IGF2R: variants seen among roughly 807,000 people sequenced by gnomAD.
IGF2R encodes cation-independent mannose-6-phosphate receptor.
In IGF2R, 91 loss-of-function variants were observed where a neutral mutation model predicts 270.6. The observed-to-expected ratio is 0.34, with a 90% CI of 0.28 to 0.40. The LOEUF (loss-of-function observed/expected upper bound fraction) is 0.40, where lower values mean the gene tolerates loss of function less well. Among genes scored for constraint, IGF2R ranks in the 10% least tolerant of loss-of-function variants. The pLI is 1.00. For missense variants in IGF2R, 2,805 were observed against 3,188.3 expected (o/e 0.88, Z 2.90); for synonymous variants, 1,316 against 1,258.9 (o/e 1.05, Z -0.96).
intron 44 of IGF2R, chr6:160,094,142 T>C (rs1224964387): frequency 1.2e-5 from 5 of 417,688 alleles, no homozygotes; most frequent in African/African-American, 2.0e-5. Context: ...AAATATGTTC[T>C]GTCAACACAA....
chr6:160,033,822 C>G (rs1291207274), intron 9 of IGF2R, among the ~76,000 whole-genome samples: 1 of 152,166 alleles, frequency 6.6e-6, no homozygotes, highest in Non-Finnish European at 1.5e-5. Flanking sequence ...AAAATGCATT[C>G]AGCACATTTC....
intron 2 of IGF2R, among the ~76,000 whole-genome samples, chr6:159,994,376 A>G (rs1562335874): frequency 6.6e-6 from 1 of 151,634 alleles, no homozygotes; most frequent in Non-Finnish European, 1.5e-5. Context: ...TCCATTGATT[A>G]TGTTCATCTT....
intron 1 of IGF2R, among the ~76,000 whole-genome samples, chr6:159,990,064 C>G (rs111564517): frequency 1.3e-5 from 2 of 152,206 alleles, no homozygotes; most frequent in South Asian, 4.1e-4. Context: ...CAGATCTGAA[C>G]TGTAGCTCTA....
chr6:160,065,205 A>G (rs189755943), intron 29 of IGF2R, among the ~76,000 whole-genome samples: 1 of 152,292 alleles, frequency 6.6e-6, no homozygotes, highest in Non-Finnish European at 1.5e-5. Flanking sequence ...GACCCCTGCG[A>G]TGAAGGGAGG....
intron 5 of IGF2R, 61 bp from the exon 6 acceptor site, chr6:160,027,123 AG>A: frequency 6.3e-7 from 1 of 1,580,112 alleles, no homozygotes; most frequent in Non-Finnish European, 8.7e-7. Context: ...CCTGGGTCTA[AG>A]GGTACGTGTG....
intron 1 of IGF2R, among the ~76,000 whole-genome samples, chr6:159,984,236 A>G (rs1783846845): frequency 6.6e-6 from 1 of 152,236 alleles, no homozygotes; most frequent in African/African-American, 2.4e-5. Context: ...AGTCTGCATA[A>G]ATGACCTTGG....
At chr6:160,100,526 A>G (rs1422950878) in intron 45 of IGF2R, among the ~76,000 whole-genome samples, 1 of 152,110 alleles carries the variant, frequency 6.6e-6, no homozygotes, top group Non-Finnish European at 1.5e-5. Flanking sequence ...AAACAAGCCT[A>G]GTGATTGCTG....
intron 1 of IGF2R, among the ~76,000 whole-genome samples, chr6:159,978,553 AGGGTGG>A (rs1350840900): frequency 6.6e-6 from 1 of 151,758 alleles, no homozygotes; most frequent in Non-Finnish European, 1.5e-5. Context: ...GCCTCCCTGG[AGGGTGG>A]AGGAATGGGT....
At position 160,064,463 on chromosome 6, in the gene IGF2R, G is replaced by A; in HGVS notation, c.3949G>A (p.Asp1317Asn). The A allele has an allele frequency of 3.1e-6, 5 of 1,614,042 alleles. No homozygotes were observed. Among genetic ancestry groups the A allele is most frequent in the Non-Finnish European group, 3.4e-6 (4 of 1,179,956 alleles). ...GLLKMNFTGG[D>N]TCHKVYQRST... ...GTTAAAAATGAACTTCACGGGGGGGGACACTTGCCATAAGGTTTATCAGCG... is the reference window on the plus strand; with the variant it reads ...GTTAAAAATGAACTTCACGGGGGGGAACACTTGCCATAAGGTTTATCAGCG... Residue 1317 changes from aspartate (D) to asparagine (N), a missense_variant, in exon 28 of 48, where the codon GAC becomes AAC. Around this residue, in one of 2 missense-constraint regions of IGF2R, gnomAD observed 1,851 missense variants for 2,207.2 expected, o/e 0.84. Coordinates refer to ENST00000356956, the MANE Select transcript of IGF2R (RefSeq NM_000876.4).
intron 7 of IGF2R, among the ~76,000 whole-genome samples, chr6:160,030,333 A>G (rs1315731079): frequency 1.3e-5 from 2 of 152,186 alleles, no homozygotes; most frequent in Non-Finnish European, 2.9e-5. Context: ...TCTTAGTAAT[A>G]GGGTGAAGTA....
chr6:160,009,719 A>G (rs190856353), intron 3 of IGF2R, among the ~76,000 whole-genome samples: 1 of 152,332 alleles, frequency 6.6e-6, no homozygotes, highest in East Asian at 1.9e-4. Context: ...CTTGCAGTAA[A>G]TAATTGTTTT....
Position 160,023,646 on chromosome 6 carries a change from A to G in IGF2R, c.514-926A>G, listed in dbSNP as rs188250924. On this transcript the variant is annotated intron_variant, in intron 4 of 47. Coordinates refer to ENST00000356956, the MANE Select transcript of IGF2R (RefSeq NM_000876.4). ...GGTTAACTTCATTCATGGTCATGCA[A>G]AGTGTTCATGCCAGAGGTTGAACCC... 3.4e-4 allele frequency among the ~76,000 whole-genome samples: 52 copies of G among 152,262 alleles called. No individual in the cohort carries two copies. The East Asian group carries it at 4.8e-3, about 14-fold the overall frequency.
chr6:160,078,524 G>A (rs1300169349), intron 37 of IGF2R, among the ~76,000 whole-genome samples, 162 bp downstream of exon 37: 1 of 152,212 alleles, frequency 6.6e-6, no homozygotes, highest in Non-Finnish European at 1.5e-5. Flanking sequence ...CCAGGTCTCA[G>A]GAAGGTTCTT....
intron 39 of IGF2R, 138 bp from the exon 40 acceptor site, chr6:160,083,812 A>T (rs1779038532): frequency 1.5e-6 from 1 of 656,258 alleles, no homozygotes; most frequent in African/African-American, 1.8e-5. Context: ...GCTGGGGCAA[A>T]GCTACAAATT....
chr6:160,022,841 A>G (rs1246275067), intron 4 of IGF2R, among the ~76,000 whole-genome samples: 2 of 152,226 alleles, frequency 1.3e-5, no homozygotes, highest in East Asian at 3.9e-4. Context: ...ATGTTTCATC[A>G]GAGACCTGAA....
intron 45 of IGF2R, among the ~76,000 whole-genome samples, chr6:160,100,936 G>C (rs920176773): frequency 1.3e-5 from 2 of 150,448 alleles, no homozygotes; most frequent in Admixed American, 1.3e-4. Flanking sequence ...GATTATGGGC[G>C]TGTGCCACTA....
chr6:160,047,946 A>G (rs376521496), intron 17 of IGF2R, 39 bp downstream of exon 17: 4 of 1,295,194 alleles, frequency 3.1e-6, no homozygotes, highest in Non-Finnish European at 4.5e-6. Flanking sequence ...GGCCTGGTAC[A>G]GATGCTGAGG....
chr6:160,099,137 C>G (rs1324237978), intron 45 of IGF2R, among the ~76,000 whole-genome samples: 2 of 152,166 alleles, frequency 1.3e-5, no homozygotes, highest in Non-Finnish European at 2.9e-5. Flanking sequence ...GACCCACCCA[C>G]TTATGAAATA....
Position 160,009,496 on chromosome 6 carries a change from T to A in IGF2R, c.414+362T>A, listed in dbSNP as rs1361646704. On this transcript the variant is annotated intron_variant, in intron 3 of 47. Transcript: ENST00000356956. ...TTTTAGGGCAGCATATTTAGTTTTT[T>A]AAAAAATATTTTTCTTTCCTCATTT... 2.0e-5 allele frequency among the ~76,000 whole-genome samples: 3 copies of A among 152,208 alleles called. No homozygotes were observed. In the East Asian group the frequency reaches 5.8e-4, roughly 29 times the overall value.
Sources: gnomAD v4.1 joint callset for allele counts (sites outside exome capture counted in the v4.1 genomes callset) on GRCh38, gnomAD v4.1.1 for gene constraint, gnomAD v4.1.1 regional missense constraint, MANE v1.5 for transcripts, NCBI Gene and HGNC (gene_info 2026-07-23, HGNC 2026-07-21) for gene names.